PARD3B: variants seen among roughly 807,000 people sequenced by gnomAD.
PARD3B encodes the protein par-3 family cell polarity regulator beta, also known as partitioning defective 3 homolog B.
PARD3B carries 103 observed loss-of-function variants against 130.2 expected under a neutral mutation model. The observed-to-expected ratio is 0.79, with a 90% confidence interval of 0.67 to 0.93. The LOEUF (loss-of-function observed/expected upper bound fraction) is 0.93. Ranked by LOEUF, PARD3B falls within the 40% of genes least tolerant of loss-of-function variation. The pLI, the probability that PARD3B is intolerant of heterozygous loss-of-function variation, is 0.00. For synonymous variants in PARD3B, 583 were observed against 553.2 expected (o/e 1.05, Z -0.76); for missense variants, 1,609 against 1,499.2 (o/e 1.07, Z -1.21).
At chr2:205,249,446 TG>T (rs779726268) in intron 16 of PARD3B, among the ~76,000 whole-genome samples, 1 of 152,136 alleles carries the variant, frequency 6.6e-6, no homozygotes, top group Non-Finnish European at 1.5e-5. Context: ...TGGTCTGGCT[TG>T]GGTACCTCCC....
intron 2 of PARD3B, among the ~76,000 whole-genome samples, chr2:204,898,550 T>C (rs1575246210): frequency 6.6e-6 from 1 of 152,332 alleles, no homozygotes; most frequent in East Asian, 1.9e-4. Flanking sequence ...ATATGATCTA[T>C]TCCTGAGAAT....
At chr2:205,385,054 G>C (rs1413825950) in intron 18 of PARD3B, among the ~76,000 whole-genome samples, 1 of 151,920 alleles carries the variant, frequency 6.6e-6, no homozygotes, top group Non-Finnish European at 1.5e-5. Flanking sequence ...GAATTAATTT[G>C]ATATTTTTAG....
At chr2:204,883,273 T>C (rs1017946417) in intron 2 of PARD3B, among the ~76,000 whole-genome samples, 1 of 151,188 alleles carries the variant, frequency 6.6e-6, no homozygotes, top group African/African-American at 2.4e-5. Context: ...ATTGTGTTAA[T>C]ATTTTATTTT....
chr2:205,373,062 C>G (rs568826701), intron 18 of PARD3B, among the ~76,000 whole-genome samples: 1 of 152,252 alleles, frequency 6.6e-6, no homozygotes, highest in South Asian at 2.1e-4. Flanking sequence ...AATGTAGAGG[C>G]TTGCTTTTAT....
intron 3 of PARD3B, among the ~76,000 whole-genome samples, chr2:204,988,456 A>C (rs2125233176): frequency 6.6e-6 from 1 of 152,312 alleles, no homozygotes; most frequent in East Asian, 1.9e-4. Flanking sequence ...AGTCAATAAT[A>C]ATGTAATTGT....
At chr2:205,606,453 A>G (rs1008168986) in intron 22 of PARD3B, among the ~76,000 whole-genome samples, 29 of 151,816 alleles carry the variant, frequency 1.9e-4, no homozygotes, top group Admixed American at 1.4e-3. Context: ...GTCAGTCCCA[A>G]TGAAAGAACC....
At chr2:205,217,894 A>ATATATATTTT (rs1559553191) in intron 15 of PARD3B, among the ~76,000 whole-genome samples, 1 of 31,074 alleles carries the variant, frequency 3.2e-5, no homozygotes, top group Admixed American at 6.3e-4. Flanking sequence ...ATATATATAT[A>ATATATATTTT]TTTTTTTTTT....
intron 3 of PARD3B, among the ~76,000 whole-genome samples, chr2:205,012,821 A>G (rs934132167): frequency 5.3e-5 from 8 of 152,222 alleles, no homozygotes; most frequent in East Asian, 1.9e-4. Flanking sequence ...ATTTATTACA[A>G]TACCTCAAGG....
chr2:205,161,798 C>A (rs965578999), intron 11 of PARD3B, among the ~76,000 whole-genome samples: 2 of 152,192 alleles, frequency 1.3e-5, no homozygotes, highest in Non-Finnish European at 2.9e-5. Flanking sequence ...ATCTTTTTCT[C>A]CTCGCCCTTC....
intron 2 of PARD3B, among the ~76,000 whole-genome samples, chr2:204,883,455 A>ATATAAAATATATATATATATATATAT (rs1377428928): frequency 3.6e-4 from 28 of 77,270 alleles, no homozygotes; most frequent in Non-Finnish European, 4.6e-4. Context: ...ATATATATAT[A>ATATAAAATATATATATATATATATAT]TTTTTTTTTT....
intron 2 of PARD3B, among the ~76,000 whole-genome samples, chr2:204,924,938 A>G (rs1443801238): frequency 2.0e-5 from 3 of 151,388 alleles, no homozygotes; most frequent in Admixed American, 6.6e-5. Context: ...AATTCTGCCA[A>G]CTGTAACATA....
chr2:205,499,180 G>A (rs2050060258), intron 20 of PARD3B, among the ~76,000 whole-genome samples: 1 of 152,062 alleles, frequency 6.6e-6, no homozygotes, highest in East Asian at 1.9e-4. Flanking sequence ...CTACAAGGGA[G>A]GTGCTAGCTG....
At chr2:205,010,975 C>T (rs1019380861) in intron 3 of PARD3B, among the ~76,000 whole-genome samples, 1 of 151,838 alleles carries the variant, frequency 6.6e-6, no homozygotes, top group African/African-American at 2.4e-5. Context: ...ATCTGTTATC[C>T]TCAGCTGTAT....
At chr2:205,482,311 GC>G (rs2049267564) in intron 20 of PARD3B, among the ~76,000 whole-genome samples, 1 of 152,170 alleles carries the variant, frequency 6.6e-6, no homozygotes, top group Non-Finnish European at 1.5e-5. Context: ...CACAAGGGTT[GC>G]TCTGCCATAT....
chr2:204,930,818 G>A (rs1337073290), intron 2 of PARD3B, among the ~76,000 whole-genome samples: 2 of 152,084 alleles, frequency 1.3e-5, no homozygotes, highest in Non-Finnish European at 2.9e-5. Flanking sequence ...GCTGCCTGCA[G>A]TTGTCTTTAT....
intron 15 of PARD3B, among the ~76,000 whole-genome samples, chr2:205,204,089 T>C (rs375644721): frequency 6.6e-6 from 1 of 152,214 alleles, no homozygotes. Context: ...AGTATTCCTA[T>C]TTCTCCACAT....
intron 2 of PARD3B, among the ~76,000 whole-genome samples, chr2:204,760,403 A>T (rs1176846880): frequency 6.6e-6 from 1 of 152,104 alleles, no homozygotes; most frequent in African/African-American, 2.4e-5. Context: ...TATGTAGTAT[A>T]ATATTTCATA....
At position 205,530,276 on chromosome 2, in the gene PARD3B, C is replaced by T. The variant is rs1170556484; in HGVS notation, c.3181-23048C>T. On this transcript the variant is annotated intron_variant, in intron 21 of 22. Coordinates refer to ENST00000406610, the MANE Select transcript of PARD3B (RefSeq NM_001302769.2). This position sits in a 1 kb window ranked among gnomAD's most constrained non-coding sequence, Gnocchi z 4.7. ...TATGCTTGAGACCTGTCTTTTGCTA[C>T]CCACTACCACCCACAACAGGGTTAA... Among the ~76,000 whole-genome samples, 2 of 152,150 alleles carry T rather than the reference C, an allele frequency of 1.3e-5. No individual in the cohort carries two copies. Among genetic ancestry groups the T allele is most frequent in the East Asian group, 1.9e-4 (1 of 5,184 alleles).
intron 1 of PARD3B, among the ~76,000 whole-genome samples, chr2:204,682,558 G>A (rs2036884899): frequency 6.6e-6 from 1 of 152,242 alleles, no homozygotes; most frequent in South Asian, 2.1e-4. Context: ...TTGCTGTTGT[G>A]TTCCAGTAGG....
Sources: gnomAD v4.1 joint callset for allele counts (sites outside exome capture counted in the v4.1 genomes callset) on GRCh38, gnomAD v4.1.1 for gene constraint, Gnocchi (gnomAD v3.1) non-coding constraint, MANE v1.5 for transcripts, NCBI Gene and HGNC (gene_info 2026-07-23, HGNC 2026-07-21) for gene names.